The following USP10 variants were observed in gnomAD, a reference collection of about 807,000 sequenced individuals.
USP10 encodes the protein ubiquitin specific peptidase 10.
A neutral mutation model predicts 84.5 loss-of-function variants in USP10; 22 were observed. The ratio of observed to expected loss-of-function variants is 0.26; its 90% CI spans 0.19 to 0.37. The LOEUF (loss-of-function observed/expected upper bound fraction) is 0.37, where lower values mean the gene tolerates loss of function less well. Among genes scored for constraint, USP10 ranks in the 10% least tolerant of loss-of-function variants. The pLI, the probability that USP10 is intolerant of heterozygous loss-of-function variation, is 1.00. For synonymous variants in USP10, 454 were observed against 387.6 expected (o/e 1.17, Z -2.01); for missense variants, 1,019 against 998.9 (o/e 1.02, Z -0.27).
rs1910998435 is a variant in USP10, at chr16:84,744,687, A to T, written c.206A>T (p.Asp69Val). Residue 69 changes from aspartate to valine, a missense_variant, in exon 4 of 14, where the codon GAC (aspartate) becomes GTC (valine). By Grantham distance (152) the Asp-to-Val change is radical. This residue lies in a region of USP10 where 787 missense variants were observed against 708.8 expected (regional missense o/e 1.11). Coordinates refer to ENST00000219473, the MANE Select transcript of USP10 (RefSeq NM_005153.3). ...GTCGATGAAGTCATTGAACCCAGTGACACTTTGCCGAGAACCCCCAGCTAC... is the reference window on the plus strand; with the variant it reads ...GTCGATGAAGTCATTGAACCCAGTGTCACTTTGCCGAGAACCCCCAGCTAC... ...FGVDEVIEPS[D>V]TLPRTPSYSI... is the part of the protein sequence containing the mutation. 1.9e-6 allele frequency: 3 copies of T among 1,613,486 alleles called. No individual in the cohort carries two copies. Among genetic ancestry groups the T allele is most frequent in the African/African-American group, 1.3e-5 (1 of 74,868 alleles).
intron 8 of USP10, among the ~76,000 whole-genome samples, chr16:84,761,364 C>G (rs1027547155): frequency 2.6e-5 from 4 of 152,204 alleles, no homozygotes; most frequent in Non-Finnish European, 4.4e-5. Flanking sequence ...GTTGGGCTCC[C>G]CAAGACCACC....
intron 11 of USP10, among the ~76,000 whole-genome samples, chr16:84,770,225 G>C: frequency 6.6e-6 from 1 of 152,204 alleles, no homozygotes; most frequent in East Asian, 1.9e-4. Flanking sequence ...TACCAGATGA[G>C]GCCAGGACCA....
At chr16:84,739,670 T>G (rs1266825502) in intron 2 of USP10, among the ~76,000 whole-genome samples, 1 of 152,338 alleles carries the variant, frequency 6.6e-6, no homozygotes, top group African/African-American at 2.4e-5. Context: ...AAATTTAAGT[T>G]ATTTTTGAGA....
chr16:84,752,001 G>A (rs568091778), intron 4 of USP10, among the ~76,000 whole-genome samples: 1 of 152,162 alleles, frequency 6.6e-6, no homozygotes, highest in South Asian at 2.1e-4. Context: ...CAGCCCTTGT[G>A]AGCTACCATC....
intron 3 of USP10, among the ~76,000 whole-genome samples, chr16:84,742,579 C>T (rs1910748986): frequency 6.6e-6 from 1 of 152,220 alleles, no homozygotes; most frequent in South Asian, 2.1e-4. Context: ...TTAAGAGCCT[C>T]TGCCTGCATT....
intron 1 of USP10, among the ~76,000 whole-genome samples, chr16:84,714,044 G>A (rs958316289): frequency 1.1e-4 from 16 of 152,200 alleles, no homozygotes; most frequent in African/African-American, 3.9e-4. Flanking sequence ...CTTTTCCTGG[G>A]CACCAGAATA....
intron 1 of USP10, among the ~76,000 whole-genome samples, chr16:84,705,553 A>C (rs1452874634): frequency 6.6e-6 from 1 of 151,606 alleles, no homozygotes; most frequent in East Asian, 1.9e-4. Context: ...TTTGAACCTG[A>C]TTTTTACATC....
intron 10 of USP10, among the ~76,000 whole-genome samples, chr16:84,767,917 A>T (rs1348746496): frequency 6.6e-6 from 1 of 152,058 alleles, no homozygotes; most frequent in African/African-American, 2.4e-5. Flanking sequence ...TAGGCAGAGG[A>T]CCCTGCGGCC....
chr16:84,743,099 A>G (rs1327697150), intron 3 of USP10, among the ~76,000 whole-genome samples: 3 of 152,220 alleles, frequency 2.0e-5, no homozygotes, highest in Non-Finnish European at 4.4e-5. Flanking sequence ...TAGGGGATGT[A>G]TGGAACCAAA....
At chr16:84,772,433 C>G (rs574788052) in intron 11 of USP10, 108 bp from the exon 12 acceptor site, 44 of 1,500,038 alleles carry the variant, frequency 2.9e-5, no homozygotes, top group Non-Finnish European at 3.8e-5. Flanking sequence ...TGCCACAGGA[C>G]TCTTGGGCCT....
At chr16:84,760,347 C>G in intron 8 of USP10, 72 bp downstream of exon 8, 2 of 1,356,686 alleles carry the variant, frequency 1.5e-6, no homozygotes, top group Non-Finnish European at 2.1e-6. Context: ...GTAACTGTTG[C>G]TTATTGATAT....
chr16:84,734,743 T>C (rs1167824301), intron 2 of USP10, among the ~76,000 whole-genome samples: 1 of 152,258 alleles, frequency 6.6e-6, no homozygotes. Context: ...GATATTTGTC[T>C]GTTTTCTTCT....
At chr16:84,728,583 C>A (rs1187436756) in intron 1 of USP10, among the ~76,000 whole-genome samples, 1 of 152,166 alleles carries the variant, frequency 6.6e-6, no homozygotes, top group African/African-American at 2.4e-5. Context: ...CCTGCCTCGG[C>A]CTCCCAAAGT....
intron 13 of USP10, among the ~76,000 whole-genome samples, chr16:84,778,555 G>C (rs774057531): frequency 3.3e-5 from 5 of 152,162 alleles, no homozygotes; most frequent in Non-Finnish European, 5.9e-5. Context: ...CCACATCCAA[G>C]GGCATGAGCC....
At chr16:84,742,887 C>T (rs1036499334) in intron 3 of USP10, among the ~76,000 whole-genome samples, 1 of 152,166 alleles carries the variant, frequency 6.6e-6, no homozygotes, top group Non-Finnish European at 1.5e-5. Context: ...GTTTTATGTT[C>T]TGATAAGATT....
At chr16:84,749,481 A>C (rs1261454294) in intron 4 of USP10, among the ~76,000 whole-genome samples, 2 of 152,110 alleles carry the variant, frequency 1.3e-5, no homozygotes, top group Non-Finnish European at 2.9e-5. Flanking sequence ...CCTTTCTGCC[A>C]GGCATGATAG....
At position 84,760,163 on chromosome 16, in the gene USP10, C is replaced by T. The variant is rs367550397; in HGVS notation, c.1451-9C>T. 6.3e-7 allele frequency: 1 copy of T among 1,598,278 alleles called. No homozygotes were observed. The highest frequency in any genetic ancestry group is 8.5e-7 in the Non-Finnish European group (1 of 1,171,218). On this transcript the variant is annotated splice_polypyrimidine_tract_variant and intron_variant, in intron 7 of 13. Coordinates refer to ENST00000219473, the MANE Select transcript of USP10 (RefSeq NM_005153.3). ...AGTTAGGAAAACCTGTGTCCTCTTT[C>T]CATTGCAGCTCTTGGAGATAAAATC...
At chr16:84,706,645 A>T (rs902078216) in intron 1 of USP10, among the ~76,000 whole-genome samples, 1 of 151,628 alleles carries the variant, frequency 6.6e-6, no homozygotes, top group African/African-American at 2.4e-5. Context: ...GGTTCACGCC[A>T]TTCTCCTGCC....
intron 10 of USP10, 104 bp from the exon 11 acceptor site, chr16:84,768,089 A>G (rs369562546): frequency 1.6e-6 from 2 of 1,267,054 alleles, no homozygotes; most frequent in Non-Finnish European, 2.1e-6. Flanking sequence ...TTTGAAAGTG[A>G]TATTGAATAA....
Sources: gnomAD v4.1 joint callset for allele counts (sites outside exome capture counted in the v4.1 genomes callset) on GRCh38, gnomAD v4.1.1 for gene constraint, gnomAD v4.1.1 regional missense constraint, MANE v1.5 for transcripts, NCBI Gene and HGNC (gene_info 2026-07-23, HGNC 2026-07-21) for gene names.